The following SPTBN2 variants were observed in gnomAD, a reference collection of about 807,000 sequenced individuals.
SPTBN2 encodes the protein spectrin beta chain, non-erythrocytic 2.
SPTBN2 carries 107 observed loss-of-function variants against 284.2 expected under a neutral mutation model. The observed-to-expected ratio is 0.38, with a 90% CI of 0.32 to 0.44. SPTBN2 has a LOEUF of 0.44. SPTBN2 is among the 20% of genes least tolerant of loss of function. The probability of loss-of-function intolerance (pLI) is 1.00; values close to 1 mark genes in which losing one functional copy is unlikely to be tolerated. For synonymous variants in SPTBN2, 1,289 were observed against 1,354.8 expected (o/e 0.95, Z 1.07); for missense variants, 2,569 against 3,287.1 (o/e 0.78, Z 5.34).
In SPTBN2 at chr11:66,687,214, A is replaced by G. The variant is rs759733559; in HGVS notation, c.6723-47T>C. ...CTGGCCGGCCTCAGTGGCGCCCGCAACCTGGAGCCCTCTTGGGTGTCCTAG... is the reference window on the plus strand; with the variant it reads ...CTGGCCGGCCTCAGTGGCGCCCGCAGCCTGGAGCCCTCTTGGGTGTCCTAG... On this transcript the variant is annotated intron_variant, in intron 35 of 37. Coordinates refer to ENST00000533211, the MANE Select transcript of SPTBN2 (RefSeq NM_006946.4). This position sits in a 1 kb window ranked among gnomAD's most constrained non-coding sequence, Gnocchi z 5.2. 1 of 1,609,480 alleles carries G rather than the reference A, an allele frequency of 6.2e-7. No homozygotes were observed. Among genetic ancestry groups the G allele is most frequent in the South Asian group, 1.1e-5 (1 of 90,870 alleles).
intron 1 of SPTBN2, chr11:66,728,164 G>A (rs1010048983): frequency 1.4e-5 from 2 of 146,216 alleles, no homozygotes; most frequent in Non-Finnish European, 3.0e-5. Flanking sequence ...CACCTACCTC[G>A]GCGCGGAGCC....
In SPTBN2 at chr11:66,685,748, G is replaced by T; in HGVS notation, c.*123C>A. ...TCCCCAGTGACAGTTCCTGGTGATGGGTTGACCTTGGCAACAGACCCTAGC... is the reference window on the plus strand; with the variant it reads ...TCCCCAGTGACAGTTCCTGGTGATGTGTTGACCTTGGCAACAGACCCTAGC... On this transcript the variant is annotated 3_prime_UTR_variant, in exon 38 of 38. Coordinates refer to ENST00000533211, the MANE Select transcript of SPTBN2 (RefSeq NM_006946.4). This position sits in a 1 kb window ranked among gnomAD's most constrained non-coding sequence, Gnocchi z 4.4. 1.1e-6 allele frequency: 1 copy of T among 886,032 alleles called. No individual in the cohort carries two copies. The highest frequency in any genetic ancestry group is 1.8e-6 in the Non-Finnish European group (1 of 541,918). 54.9% of individuals were successfully genotyped at this position (886,032 alleles called of 1,614,324 possible). A position where few individuals can be genotyped will look rare whatever the true frequency, so the allele number is the denominator to read the frequency against.
In SPTBN2 at chr11:66,715,104, C is replaced by T; in HGVS notation, c.483+118G>A. On this transcript the variant is annotated intron_variant, in intron 5 of 37. Coordinates refer to ENST00000533211, the MANE Select transcript of SPTBN2 (RefSeq NM_006946.4). This position sits in a 1 kb window ranked among gnomAD's most constrained non-coding sequence, Gnocchi z 5.3. The stretch of plus-strand genomic sequence containing the variant: ...TTGGATAGCGCCGCCATGGCAGCTG[C>T]TACATAAGGTTCTAGATCCTCCATC... 6.8e-6 allele frequency: 9 copies of T among 1,328,958 alleles called. No individual in the cohort carries two copies. The highest frequency in any genetic ancestry group is 9.6e-6 in the Non-Finnish European group (9 of 940,544). The allele number at this position is 1,328,958 out of a possible 1,614,324, so 82.3% of individuals were successfully genotyped here.
chr11:66,691,971 G>A lies in SPTBN2; in HGVS notation c.5191-313C>T, dbSNP rs1399837800. Among the ~76,000 whole-genome samples, 2 of 152,134 alleles carry A rather than the reference G, an allele frequency of 1.3e-5. No individual in the cohort carries two copies. The highest frequency in any genetic ancestry group is 2.9e-5 in the Non-Finnish European group (2 of 68,030). Reference sequence around the variant, plus strand: ...GTCCAAGCCCCCAAACTGTCGGGGGGGTGGATCATACTCCGTTTTGTTGAA... The same window carrying A: ...GTCCAAGCCCCCAAACTGTCGGGGGAGTGGATCATACTCCGTTTTGTTGAA... On this transcript the variant is annotated intron_variant, in intron 26 of 37. Transcript: ENST00000533211. This position sits in a 1 kb window ranked among gnomAD's most constrained non-coding sequence, Gnocchi z 8.0.
chr11:66,694,161 T>C lies in SPTBN2; in HGVS notation c.4481A>G (p.His1494Arg). Residue 1494 changes from histidine to arginine, a missense_variant, in exon 22 of 38, where the codon CAC (histidine) becomes CGC (arginine). Coordinates refer to ENST00000533211, the MANE Select transcript of SPTBN2 (RefSeq NM_006946.4). ...LQASREQHQF[H>R]RDVEDEILWV... ...CACAATCTCATCTTCCACATCGCGG[T>C]GGAACTGGTGCTGCTCGCGAGAAGC... The C allele has an allele frequency of 1.2e-6, 2 of 1,609,776 alleles. No homozygotes were observed. Among genetic ancestry groups the C allele is most frequent in the Non-Finnish European group, 8.5e-7 (1 of 1,180,020 alleles).
rs750181406 is a variant in SPTBN2, at chr11:66,687,400, T to C, written c.6722+27A>G. On this transcript the variant is annotated intron_variant, in intron 35 of 37. Transcript: ENST00000533211. The surrounding 1 kb of genome is among the most constrained non-coding windows in gnomAD (Gnocchi z 5.2). ...GCAGAGGCTCTGGGGAAGTGCCCTC[T>C]GAGAGCAGGCTCCAGAGAGGCTGTA... The C allele has an allele frequency of 1.2e-6, 2 of 1,601,688 alleles. No individual in the cohort carries two copies. The highest frequency in any genetic ancestry group is 1.7e-6 in the Non-Finnish European group (2 of 1,179,044).
chr11:66,708,607 GAA>G lies in SPTBN2; in HGVS notation c.1191+293_1191+294del, dbSNP rs1210289477. Among the ~76,000 whole-genome samples the G allele has an allele frequency of 2.0e-5, 3 of 152,224 alleles. No homozygotes were observed. Among genetic ancestry groups the G allele is most frequent in the African/African-American group, 7.2e-5 (3 of 41,454 alleles). ...TTACAATATTGTGAAAAAAATAAAA[GAA>G]GGGATAGTGAGTTGGGGACAGGTTT... On this transcript the variant is annotated intron_variant, in intron 11 of 37. Coordinates refer to ENST00000533211, the MANE Select transcript of SPTBN2 (RefSeq NM_006946.4). This position sits in a 1 kb window ranked among gnomAD's most constrained non-coding sequence, Gnocchi z 4.4.
rs1419217502 is a variant in SPTBN2, at chr11:66,688,012, G to A, written c.6442C>T (p.Pro2148Ser). 2 of 1,614,220 alleles carry A rather than the reference G, an allele frequency of 1.2e-6. No individual in the cohort carries two copies. Among genetic ancestry groups the A allele is most frequent in the Admixed American group, 1.7e-5 (1 of 60,034 alleles). ...AGGGACAGTGGGGTCACCTGTGAGG[G>A]CTCTCCATCTGTGCAGACTCCATTA... The part of the protein sequence containing the change: ...SVNGVCTDGE[P>S]SQPLLGQQRL... The change falls in exon 33 of 38, where the codon CCC (proline) becomes TCC (serine). Residue 2148 changes from proline (P) to serine (S), a missense_variant. By Grantham distance (74) the Pro-to-Ser change is moderately conservative. Coordinates refer to ENST00000533211, the MANE Select transcript of SPTBN2 (RefSeq NM_006946.4).
intron 27 of SPTBN2, among the ~76,000 whole-genome samples, chr11:66,690,707 C>T (rs961798675): frequency 3.9e-5 from 6 of 152,198 alleles, no homozygotes; most frequent in East Asian, 1.9e-4. Flanking sequence ...GCTGATTTAG[C>T]GCAGCATGAA....
intron 1 of SPTBN2, among the ~76,000 whole-genome samples, chr11:66,726,897 G>A (rs1326251308): frequency 2.6e-5 from 4 of 152,160 alleles, no homozygotes; most frequent in Non-Finnish European, 5.9e-5. Flanking sequence ...AGGGCCTCCA[G>A]GAAGGCAAGA....
chr11:66,728,145 G>T (rs1942695582), intron 1 of SPTBN2: 1 of 146,948 alleles, frequency 6.8e-6, no homozygotes, highest in Non-Finnish European at 1.5e-5. Flanking sequence ...AAAGCGGGCG[G>T]GGCGCCGGCA....
intron 20 of SPTBN2, 38 bp from the exon 21 acceptor site, chr11:66,696,578 T>C (rs1276952146): frequency 6.2e-7 from 1 of 1,606,928 alleles, no homozygotes; most frequent in Non-Finnish European, 8.5e-7. Flanking sequence ...GTGCCCAAAT[T>C]AGCCTGAACT....
chr11:66,734,757 A>G lies in SPTBN2; in HGVS notation c.-474-5565T>C, dbSNP rs568880726. On this transcript the variant is annotated intron_variant, in intron 1 of 37. Coordinates refer to the SPTBN2 transcript ENST00000611817. ...GTTGTATCCCCAGCAGAGCAAACAT[A>G]TAGATATCTGTGCAATAAACTAATG... is the stretch of plus-strand genomic sequence containing the variant. Among the ~76,000 whole-genome samples the G allele has an allele frequency of 2.0e-5, 3 of 152,368 alleles. No individual in the cohort carries two copies. In the South Asian group the frequency reaches 6.2e-4, roughly 32 times the overall value.
rs1941513279 is a variant in SPTBN2, at chr11:66,705,729, GCA to G, written c.1760_1761del (p.Val587AlafsTer18). 1 of 1,612,198 alleles carries G rather than the reference GCA, an allele frequency of 6.2e-7. No homozygotes were observed. The part of the protein sequence containing the change: ...EADIAVQAER[V>X]RAVSASALRF... Reference sequence around the variant, plus strand: ...CGCAGGGCAGAGGCGCTGACGGCCCGCACCCTCTCGGCCTGCACGGCGATGTC... The same window carrying G: ...CGCAGGGCAGAGGCGCTGACGGCCCGCCCTCTCGGCCTGCACGGCGATGTC... On this transcript the variant is annotated frameshift_variant, in exon 14 of 38. Coordinates refer to ENST00000533211, the MANE Select transcript of SPTBN2 (RefSeq NM_006946.4). LOFTEE classifies it high-confidence loss of function.
Position 66,707,391 on chromosome 11 carries a change from G to A in SPTBN2, c.1653+125C>T, listed in dbSNP as rs1199873785. ...CTGTTTACTTTGTTCCCTGCAACTG[G>A]GGACAGGGCCCTGTGCTGGTTCACA... On this transcript the variant is annotated intron_variant, in intron 13 of 37. Coordinates refer to ENST00000533211, the MANE Select transcript of SPTBN2 (RefSeq NM_006946.4). The surrounding 1 kb of genome is among the most constrained non-coding windows in gnomAD (Gnocchi z 4.9). The A allele has an allele frequency of 9.8e-7, 1 of 1,017,032 alleles. No homozygotes were observed. The highest frequency in any genetic ancestry group is 1.4e-6 in the Non-Finnish European group (1 of 700,164). 63.0% of individuals were successfully genotyped at this position (1,017,032 alleles called of 1,614,324 possible).
rs765078549 is a variant in SPTBN2 at position 66,715,892 on chromosome 11, T to C, written c.247A>G (p.Ser83Gly). The C allele has an allele frequency of 6.8e-6, 11 of 1,613,710 alleles. No homozygotes were observed. In the East Asian group the frequency reaches 1.6e-4, roughly 23 times the overall value. ...RVTCRVGDLYSDLRDGRNLLR... is the reference protein window; with the variant it reads ...RVTCRVGDLYGDLRDGRNLLR... ...AGGTTGCGTCCGTCCCGGAGGTCGC[T>C]GTACAGGTCCCCCACCCGGCACGTG... The change falls in exon 4 of 38, where the codon AGC (serine) becomes GGC (glycine). Residue 83 changes from serine (S) to glycine (G), a missense_variant. Physicochemically the swap from Ser to Gly is moderately conservative, Grantham distance 56. This residue lies in a region of SPTBN2 where 304 missense variants were observed against 522.1 expected (regional missense o/e 0.58). Transcript: ENST00000533211. The surrounding 1 kb of genome is among the most constrained non-coding windows in gnomAD (Gnocchi z 5.3).
In SPTBN2 at chr11:66,696,334, G is replaced by A; in HGVS notation, c.4221C>T (p.His1407=). 6.2e-7 allele frequency: 1 copy of A among 1,613,300 alleles called. No individual in the cohort carries two copies. Among genetic ancestry groups the A allele is most frequent in the Non-Finnish European group, 8.5e-7 (1 of 1,180,022 alleles). Residue 1407 remains histidine, a synonymous_variant, in exon 21 of 38, where the codon CAC becomes CAT. Transcript: ENST00000533211. ...TGAGGTCCTTGCCGTAGTCATCCGA[G>A]TGCAGCTGGGCCTGCAGGCTCTCCA... ...SWLESLQAQL[H]SDDYGKDLTS... is the part of the protein sequence containing the mutation.
Position 66,687,613 on chromosome 11 carries a change from C to G in SPTBN2, c.6536G>C (p.Arg2179Pro). The change falls in exon 35 of 38, where the codon CGG becomes CCG. Residue 2179 changes from arginine to proline, a missense_variant. Physicochemically the swap from Arg to Pro is moderately radical, Grantham distance 103. Transcript: ENST00000533211. The surrounding 1 kb of genome is among the most constrained non-coding windows in gnomAD (Gnocchi z 5.2). ...PGSGDEANGP[R>P]GERQTRTRGP... ...CCGAGTCCGGGTCTGCCTCTCTCCC[C>G]GGGGCCCATTGGCTTCGTCCCCTGA... 2 of 1,605,248 alleles carry G rather than the reference C, an allele frequency of 1.2e-6. No homozygotes were observed. Among genetic ancestry groups the G allele is most frequent in the Non-Finnish European group, 1.7e-6 (2 of 1,176,212 alleles).
chr11:66,714,166 G>A lies in SPTBN2; in HGVS notation c.581C>T (p.Pro194Leu), dbSNP rs758425427. 1.9e-6 allele frequency: 3 copies of A among 1,614,034 alleles called. No homozygotes were observed. The highest frequency in any genetic ancestry group is 1.1e-5 in the South Asian group (1 of 91,078). The stretch of plus-strand genomic sequence containing the variant: ...GGTGAAGTTGTGTACATTGACGTTG[G>A]GATAACTATAAACAGAGATTCAGAA... ...LWCQMKTAGY[P>L]NVNVHNFTTS... Residue 194 changes from proline to leucine, a missense_variant, in exon 7 of 38, where the codon CCC becomes CTC. Pro to Leu is a moderately conservative substitution (Grantham distance 98). Around this residue, in one of 6 missense-constraint regions of SPTBN2, gnomAD observed 304 missense variants for 522.1 expected, o/e 0.58. Transcript: ENST00000533211.
Sources: gnomAD v4.1 joint callset for allele counts (sites outside exome capture counted in the v4.1 genomes callset) on GRCh38, gnomAD v4.1.1 for gene constraint, gnomAD v4.1.1 regional missense constraint, Gnocchi (gnomAD v3.1) non-coding constraint, MANE v1.5 for transcripts, NCBI Gene and HGNC (gene_info 2026-07-23, HGNC 2026-07-21) for gene names.